SYT16: variants seen among roughly 807,000 people sequenced by gnomAD.
SYT16 encodes the protein synaptotagmin 16, also known as synaptotagmin-16.
SYT16 carries 42 observed loss-of-function variants against 61.4 expected under a neutral mutation model. The ratio of observed to expected loss-of-function variants is 0.68; its 90% confidence interval spans 0.53 to 0.89. The LOEUF (loss-of-function observed/expected upper bound fraction) is 0.89. Among genes scored for constraint, SYT16 ranks in the 40% least tolerant of loss-of-function variants. The pLI, the probability that SYT16 is intolerant of heterozygous loss-of-function variation, is 0.00. For synonymous variants in SYT16, 314 were observed against 302.3 expected (o/e 1.04, Z -0.40); for missense variants, 804 against 807.3 (o/e 1.00, Z 0.05).
intron 1 of SYT16, among the ~76,000 whole-genome samples, chr14:61,851,574 T>C (rs904170133): frequency 1.3e-5 from 2 of 152,200 alleles, no homozygotes; most frequent in Middle Eastern, 3.2e-3. Context: ...CAGCACCTGT[T>C]GTTTTTTGAC....
At chr14:62,051,674 G>A (rs1024737196) in intron 3 of SYT16, among the ~76,000 whole-genome samples, 1 of 151,980 alleles carries the variant, frequency 6.6e-6, no homozygotes. Context: ...TTTTCTCTTT[G>A]GATTTTTAAA....
chr14:61,963,853 A>G (rs980256537), intron 1 of SYT16, among the ~76,000 whole-genome samples: 2 of 152,168 alleles, frequency 1.3e-5, no homozygotes, highest in African/African-American at 4.8e-5. Context: ...ATGCTCATTG[A>G]CCATTCAAAA....
chr14:62,064,338 A>G (rs999751775), intron 3 of SYT16, among the ~76,000 whole-genome samples: 1 of 144,486 alleles, frequency 6.9e-6, no homozygotes, highest in Non-Finnish European at 1.5e-5. Context: ...AAATTTGAAA[A>G]AAAAAAAAAA....
At chr14:61,889,995 A>G (rs2048060911) in intron 1 of SYT16, among the ~76,000 whole-genome samples, 1 of 152,040 alleles carries the variant, frequency 6.6e-6, no homozygotes, top group African/African-American at 2.4e-5. Flanking sequence ...TCTTTGTCAC[A>G]GCCACTGGGG....
intron 1 of SYT16, among the ~76,000 whole-genome samples, chr14:61,901,752 TAA>T (rs2048522915): frequency 6.8e-6 from 1 of 147,262 alleles, no homozygotes; most frequent in African/African-American, 2.5e-5. Context: ...ATAATAATAA[TAA>T]TAATAATAAT....
chr14:61,855,851 T>A (rs182648581), intron 1 of SYT16, among the ~76,000 whole-genome samples: 47 of 152,306 alleles, frequency 3.1e-4, no homozygotes, highest in Middle Eastern at 6.8e-3. Context: ...TGAAAGAGGG[T>A]CCAGTCCTTT....
chr14:61,994,924 A>T (rs770535350), intron 2 of SYT16, among the ~76,000 whole-genome samples: 5 of 152,198 alleles, frequency 3.3e-5, no homozygotes, highest in Non-Finnish European at 7.4e-5. Flanking sequence ...TAGTAGATTT[A>T]GTTAAAAGGA....
chr14:61,826,871 C>T (rs2045787787), intron 1 of SYT16, among the ~76,000 whole-genome samples: 1 of 151,848 alleles, frequency 6.6e-6, no homozygotes, highest in Admixed American at 6.6e-5. Context: ...TTATAAATAC[C>T]CCAACCCCTT....
chr14:61,812,980 C>T (rs1471913895), intron 1 of SYT16, among the ~76,000 whole-genome samples, 170 bp downstream of exon 1: 1 of 152,114 alleles, frequency 6.6e-6, no homozygotes, highest in African/African-American at 2.4e-5. Context: ...GCAGGTGGCC[C>T]TGGCGGCGCG....
chr14:62,002,080 G>T (rs998174902), intron 3 of SYT16, among the ~76,000 whole-genome samples: 9 of 151,976 alleles, frequency 5.9e-5, no homozygotes, highest in African/African-American at 2.2e-4. Context: ...TGTCTTGGTT[G>T]TTTTGTCTCT....
At chr14:62,053,377 A>G (rs966639209) in intron 3 of SYT16, among the ~76,000 whole-genome samples, 5 of 152,136 alleles carry the variant, frequency 3.3e-5, no homozygotes, top group Admixed American at 6.5e-5. Context: ...AACTTACGCT[A>G]TTGGTTCCCC....
At chr14:61,932,800 C>T (rs1392578334) in intron 1 of SYT16, among the ~76,000 whole-genome samples, 1 of 152,138 alleles carries the variant, frequency 6.6e-6, no homozygotes, top group Non-Finnish European at 1.5e-5. Flanking sequence ...CTACTCATGC[C>T]TCATGTATGT....
In SYT16 at chr14:62,100,816, C is replaced by T; in HGVS notation, c.*109C>T. 1 of 1,128,048 alleles carries T rather than the reference C, an allele frequency of 8.9e-7. No homozygotes were observed. Among genetic ancestry groups the T allele is most frequent in the East Asian group, 2.6e-5 (1 of 39,062 alleles). The allele number at this position is 1,128,048 out of a possible 1,614,324, so 69.9% of individuals were successfully genotyped here. On this transcript the variant is annotated 3_prime_UTR_variant, in exon 8 of 8. Coordinates refer to ENST00000683842, the MANE Select transcript of SYT16 (RefSeq NM_001367656.1). ...TTCAGGGTTTCAAAAACAGATTCCA[C>T]TAACCCCTAGGACATTGTGAGTGGG... is the stretch of plus-strand genomic sequence containing the variant.
At chr14:62,024,300 T>C (rs2054018882) in intron 3 of SYT16, among the ~76,000 whole-genome samples, 1 of 152,044 alleles carries the variant, frequency 6.6e-6, no homozygotes, top group African/African-American at 2.4e-5. Flanking sequence ...AAAATGAAGG[T>C]AAATACCAGA....
intron 1 of SYT16, among the ~76,000 whole-genome samples, chr14:61,955,876 A>G (rs1290309736): frequency 1.3e-5 from 2 of 152,114 alleles, no homozygotes; most frequent in African/African-American, 4.8e-5. Context: ...CTTGGTTTTC[A>G]TAGTGTCTGT....
chr14:62,082,242 A>G (rs1012446725), intron 6 of SYT16, among the ~76,000 whole-genome samples: 18 of 152,126 alleles, frequency 1.2e-4, no homozygotes, highest in African/African-American at 4.3e-4. Context: ...GAGGAAGAAC[A>G]AAGGAGACAG....
At position 62,108,019 on chromosome 14, in the gene SYT16, GC is replaced by G. The variant is rs1451229483; in HGVS notation, c.*7314del. On this transcript the variant is annotated 3_prime_UTR_variant, in exon 8 of 8. Coordinates refer to ENST00000683842, the MANE Select transcript of SYT16 (RefSeq NM_001367656.1). ...AAAGAGTGAACTGGTAACAGTAGCC[GC>G]CAGAGAAAGAGGTGACAATCTAAAC... 1 of 152,138 alleles carries G rather than the reference GC, an allele frequency of 6.6e-6. No homozygotes were observed. Among genetic ancestry groups the G allele is most frequent in the African/African-American group, 2.4e-5 (1 of 41,418 alleles). The allele number at this position is 152,138 out of a possible 1,614,324, so 9.4% of individuals were successfully genotyped here. A position where few individuals can be genotyped will look rare whatever the true frequency, so the allele number is the denominator to read the frequency against.
intron 1 of SYT16, among the ~76,000 whole-genome samples, chr14:61,819,132 A>C (rs890369641): frequency 1.3e-5 from 2 of 152,190 alleles, no homozygotes; most frequent in African/African-American, 2.4e-5. Context: ...AATTTGGTCT[A>C]TATGTTTTAT....
rs2057562266 is a variant in SYT16, at chr14:62,109,214, C to T, written c.*8507C>T. 1 of 152,160 alleles carries T rather than the reference C, an allele frequency of 6.6e-6. No homozygotes were observed. The highest frequency in any genetic ancestry group is 2.1e-4 in the South Asian group (1 of 4,832). The allele number at this position is 152,160 out of a possible 1,614,324, so 9.4% of individuals were successfully genotyped here. On this transcript the variant is annotated 3_prime_UTR_variant, in exon 8 of 8. Coordinates refer to ENST00000683842, the MANE Select transcript of SYT16 (RefSeq NM_001367656.1). The stretch of plus-strand genomic sequence containing the variant: ...TCCCTCCCACCTAAGCCCTGGCATC[C>T]ACTGGTCCTTGTACTGTCCCCAGAG...
Sources: allele counts gnomAD v4.1 joint callset (sites outside exome capture counted in the v4.1 genomes callset), GRCh38; gene constraint gnomAD v4.1.1; transcripts MANE v1.5; gene names NCBI Gene and HGNC (gene_info 2026-07-23, HGNC 2026-07-21).